Variants in RASA2 observed in about 807,000 individuals in gnomAD.
RASA2 encodes the protein ras GTPase-activating protein 2.
Under a neutral mutation model 118.2 loss-of-function variants are expected in RASA2, and 155 were observed. That is an observed-to-expected ratio of 1.31 (90% confidence interval 1.15 to 1.50). The LOEUF (loss-of-function observed/expected upper bound fraction) is 1.50. Among genes scored for constraint, RASA2 ranks in the 40% most tolerant of loss-of-function variants. RASA2 has a pLI of 0.00. For missense variants in RASA2, 1,016 were observed against 1,009.6 expected (o/e 1.01, Z -0.09); for synonymous variants, 353 against 349.1 (o/e 1.01, Z -0.12).
rs546228024 is a variant in RASA2 at position 141,540,574 on chromosome 3, G to A, written c.492G>A (p.Thr164=). 9.3e-6 allele frequency: 15 copies of A among 1,612,648 alleles called. No individual in the cohort carries two copies. Among genetic ancestry groups the A allele is most frequent in the African/African-American group, 1.3e-5 (1 of 74,870 alleles). ...AATTAAAACTGAATGAACTGATAAC[G>A]GAGAATGGAACTGTATGCCAGCAGC... ...HLELKLNELI[T]ENGTVCQQLV... The change falls in exon 5 of 24, where the codon ACG becomes ACA. Residue 164 remains threonine (T), a synonymous_variant. Transcript: ENST00000286364.
rs559634060 is a variant in RASA2, at chr3:141,520,011, C to CTTTTT, written c.355+3596_355+3600dup. On this transcript the variant is annotated intron_variant, in intron 3 of 23. Coordinates refer to ENST00000286364, the MANE Select transcript of RASA2 (RefSeq NM_006506.5). The stretch of plus-strand genomic sequence containing the variant: ...CAATTTCTTTTCTTTTTCTTTTTCT[C>CTTTTT]TTTTTTTTTTTTTTTTTTTTGAGAT... Among the ~76,000 whole-genome samples, 6 of 109,782 alleles carry CTTTTT rather than the reference C, an allele frequency of 5.5e-5. No individual in the cohort carries two copies. The Admixed American group carries it at 6.2e-4, about 11-fold the overall frequency. 72.0% of individuals were successfully genotyped at this position (109,782 alleles called of 152,430 possible). A position where few individuals can be genotyped will look rare whatever the true frequency, so the allele number is the denominator to read the frequency against.
chr3:141,495,396 T>A (rs999854410), intron 1 of RASA2, among the ~76,000 whole-genome samples: 1 of 152,140 alleles, frequency 6.6e-6, no homozygotes, highest in Non-Finnish European at 1.5e-5. Context: ...TATAAATAAT[T>A]CATACAGACT....
chr3:141,569,313 T>TCAA (rs2082874890), intron 9 of RASA2, among the ~76,000 whole-genome samples: 1 of 152,172 alleles, frequency 6.6e-6, no homozygotes, highest in African/African-American at 2.4e-5. Context: ...GGAACTCTTG[T>TCAA]GATATCTTGA....
rs144508155 is a variant in RASA2 at position 141,608,635 on chromosome 3, C to T, written c.2163C>T (p.Asn721=). The change falls in exon 21 of 24, where the codon AAC becomes AAT. Residue 721 remains asparagine, a synonymous_variant. Transcript: ENST00000286364. ...LSFYHPSVYL[N]GNWLCCQETG... ...TTTATCATCCCTCTGTGTATCTGAA[C>T]GGAAATTGGCTCTGCTGTCAGGAGA... 8.0e-4 allele frequency: 1,291 copies of T among 1,613,852 alleles called. 2 individuals carry two copies. The highest frequency in any genetic ancestry group is 1.0e-3 in the Non-Finnish European group (1,220 of 1,179,906).
chr3:141,535,456 G>C (rs1307497045), intron 4 of RASA2, among the ~76,000 whole-genome samples: 1 of 152,186 alleles, frequency 6.6e-6, no homozygotes, highest in African/African-American at 2.4e-5. Flanking sequence ...GTTTAGACTT[G>C]AGAGGATTTT....
At chr3:141,586,920 A>G (rs1223183697) in intron 19 of RASA2, 168 bp downstream of exon 19, 1 of 665,990 alleles carries the variant, frequency 1.5e-6, no homozygotes, top group Non-Finnish European at 2.7e-6. Flanking sequence ...CAGTAACCCC[A>G]TGTATATTAT....
intron 16 of RASA2, 65 bp from the exon 17 acceptor site, chr3:141,581,035 T>C: frequency 2.1e-6 from 3 of 1,415,906 alleles, no homozygotes; most frequent in Non-Finnish European, 2.8e-6. Context: ...AGCTTAAAAA[T>C]ACAGTCCATT....
rs2083664190 is a variant in RASA2, at chr3:141,612,264, G to A, written c.2520-19G>A. On this transcript the variant is annotated intron_variant, in intron 23 of 23. Coordinates refer to ENST00000286364, the MANE Select transcript of RASA2 (RefSeq NM_006506.5). ...TTGTATTTCTTAAATTTTGAAAAATGACTTTTTTTCTTCTCTAGGGAAAAT... is the reference window on the plus strand; with the variant it reads ...TTGTATTTCTTAAATTTTGAAAAATAACTTTTTTTCTTCTCTAGGGAAAAT... 9 of 1,560,600 alleles carry A rather than the reference G, an allele frequency of 5.8e-6. No homozygotes were observed. Among genetic ancestry groups the A allele is most frequent in the Non-Finnish European group, 7.9e-6 (9 of 1,137,902 alleles).
intron 1 of RASA2, among the ~76,000 whole-genome samples, chr3:141,509,550 A>T (rs1465730923): frequency 6.6e-6 from 1 of 152,216 alleles, no homozygotes; most frequent in Non-Finnish European, 1.5e-5. Context: ...GTCTAATTCC[A>T]AATTTTTTAT....
intron 1 of RASA2, among the ~76,000 whole-genome samples, chr3:141,498,859 C>T (rs1193272185): frequency 6.6e-6 from 1 of 152,140 alleles, no homozygotes; most frequent in Non-Finnish European, 1.5e-5. Context: ...CTATAGGTAC[C>T]ATTGGCTTAG....
chr3:141,526,198 G>A (rs1188557142), intron 3 of RASA2: 1 of 152,152 alleles, frequency 6.6e-6, no homozygotes, highest in East Asian at 1.9e-4. Flanking sequence ...ATATAAGAAT[G>A]TCTCCTACCT....
At chr3:141,612,141 G>A (rs2083662454) in intron 23 of RASA2, 142 bp from the exon 24 acceptor site, 1 of 666,026 alleles carries the variant, frequency 1.5e-6, no homozygotes, top group Non-Finnish European at 2.6e-6. Context: ...TGGTCAGTAA[G>A]TACTCATTGA....
chr3:141,542,011 T>A (rs2082412050), intron 5 of RASA2, among the ~76,000 whole-genome samples: 1 of 152,080 alleles, frequency 6.6e-6, no homozygotes, highest in African/African-American at 2.4e-5. Flanking sequence ...GTTAGTTTGG[T>A]TGGTTTGGTT....
At chr3:141,559,172 A>G (rs576362240) in intron 8 of RASA2, among the ~76,000 whole-genome samples, 1 of 152,298 alleles carries the variant, frequency 6.6e-6, no homozygotes, top group East Asian at 1.9e-4. Flanking sequence ...TAATTTTATA[A>G]ACAAAGATGA....
At chr3:141,536,533 A>G (rs945799848) in intron 4 of RASA2, among the ~76,000 whole-genome samples, 3 of 150,434 alleles carry the variant, frequency 2.0e-5, no homozygotes, top group Non-Finnish European at 4.4e-5. Context: ...TCAGCCTAAC[A>G]TAGTCAGTGC....
intron 19 of RASA2, among the ~76,000 whole-genome samples, chr3:141,589,123 G>A (rs1397905844): frequency 1.3e-5 from 2 of 152,160 alleles, no homozygotes; most frequent in African/African-American, 4.8e-5. Flanking sequence ...ACAGGCATGA[G>A]CCAGCGCGCC....
chr3:141,575,240 CAT>C (rs1288032035), intron 14 of RASA2, among the ~76,000 whole-genome samples: 3 of 152,188 alleles, frequency 2.0e-5, no homozygotes, highest in Non-Finnish European at 4.4e-5. Flanking sequence ...CCTGTACACA[CAT>C]GTGTGCAGTT....
chr3:141,562,765 C>T (rs1443374470), intron 9 of RASA2, among the ~76,000 whole-genome samples: 5 of 152,048 alleles, frequency 3.3e-5, no homozygotes, highest in Admixed American at 3.3e-4. Flanking sequence ...CTCCACCTCC[C>T]GAGTTTAAGC....
chr3:141,601,841 A>C (rs1295875677), intron 19 of RASA2, among the ~76,000 whole-genome samples: 1 of 152,126 alleles, frequency 6.6e-6, no homozygotes, highest in Non-Finnish European at 1.5e-5. Flanking sequence ...GATCTCACTG[A>C]GACTCAGTTC....
Sources: allele counts gnomAD v4.1 joint callset (sites outside exome capture counted in the v4.1 genomes callset), GRCh38; gene constraint gnomAD v4.1.1; transcripts MANE v1.5; gene names NCBI Gene and HGNC (gene_info 2026-07-23, HGNC 2026-07-21).